Variants in MAP3K5 observed in about 807,000 individuals in gnomAD.
MAP3K5 encodes mitogen-activated protein kinase kinase kinase 5, also known as ASK-1.
A neutral mutation model predicts 158.7 loss-of-function variants in MAP3K5; 56 were observed. That is an observed-to-expected ratio of 0.35 (90% CI 0.28 to 0.44). The LOEUF is 0.44. Ranked by LOEUF, MAP3K5 falls within the 20% of genes least tolerant of loss-of-function variation. The probability of loss-of-function intolerance (pLI) is 1.00; values close to 1 mark genes in which losing one functional copy is unlikely to be tolerated. For missense variants in MAP3K5, 1,294 were observed against 1,674.8 expected (o/e 0.77, Z 3.97); for synonymous variants, 579 against 601.7 (o/e 0.96, Z 0.55).
chr6:136,733,461 G>A (rs1782312456), intron 1 of MAP3K5, among the ~76,000 whole-genome samples: 1 of 152,114 alleles, frequency 6.6e-6, no homozygotes, highest in African/African-American at 2.4e-5. Flanking sequence ...TTTATGAAGA[G>A]ATATTTTCCT....
intron 25 of MAP3K5, among the ~76,000 whole-genome samples, chr6:136,571,401 C>A (rs1369986551): frequency 6.6e-6 from 1 of 152,292 alleles, no homozygotes; most frequent in South Asian, 2.1e-4. Context: ...CACTCCCTCC[C>A]ACTTGTCGAA....
chr6:136,656,756 G>T (rs1053466649), intron 9 of MAP3K5, among the ~76,000 whole-genome samples: 1 of 151,988 alleles, frequency 6.6e-6, no homozygotes, highest in African/African-American at 2.4e-5. Flanking sequence ...TGAGTAGCTG[G>T]GATCACAGGC....
At chr6:136,703,452 A>G (rs1043254404) in intron 3 of MAP3K5, among the ~76,000 whole-genome samples, 1 of 152,160 alleles carries the variant, frequency 6.6e-6, no homozygotes, top group Non-Finnish European at 1.5e-5. Context: ...TTTTCTACCA[A>G]TTAGACTGTC....
chr6:136,773,981 T>G (rs1784310975), intron 1 of MAP3K5, among the ~76,000 whole-genome samples: 1 of 152,142 alleles, frequency 6.6e-6, no homozygotes, highest in South Asian at 2.1e-4. Context: ...AATGCCAGTG[T>G]TTCCTTAGTT....
intron 3 of MAP3K5, among the ~76,000 whole-genome samples, chr6:136,701,680 T>G (rs1407179694): frequency 2.0e-5 from 3 of 152,190 alleles, no homozygotes; most frequent in Non-Finnish European, 4.4e-5. Context: ...AAGCTTCAAC[T>G]ATGAGAATTG....
At chr6:136,709,687 T>C (rs972230328) in intron 2 of MAP3K5, among the ~76,000 whole-genome samples, 8 of 152,246 alleles carry the variant, frequency 5.3e-5, no homozygotes, top group African/African-American at 1.9e-4. Context: ...CCCTCTTACA[T>C]GTCTCCTCCA....
chr6:136,701,643 CA>C (rs1465706068), intron 3 of MAP3K5, among the ~76,000 whole-genome samples: 3 of 152,128 alleles, frequency 2.0e-5, no homozygotes, highest in Non-Finnish European at 4.4e-5. Context: ...GCAAGGATAC[CA>C]AAGAGGCTGC....
In MAP3K5 at chr6:136,618,253, G is replaced by A. The variant is rs143896250; in HGVS notation, c.2151-3967C>T. 1.1e-3 allele frequency among the ~76,000 whole-genome samples: 169 copies of A among 152,266 alleles called. 2 individuals are homozygous for A. Among genetic ancestry groups the A allele is most frequent in the Non-Finnish European group, 1.1e-3 (76 of 68,024 alleles). ...TAACTGCTATCTTTTTCAACAGAAC[G>A]TCCACACCCCTCCAGGTTACATGGA... On this transcript the variant is annotated intron_variant, in intron 15 of 29. Coordinates refer to ENST00000359015, the MANE Select transcript of MAP3K5 (RefSeq NM_005923.4).
At chr6:136,620,139 G>A (rs1274006784) in intron 15 of MAP3K5, among the ~76,000 whole-genome samples, 1 of 152,132 alleles carries the variant, frequency 6.6e-6, no homozygotes, top group African/African-American at 2.4e-5. Context: ...GCATGATGAT[G>A]CAGGCCTGTA....
chr6:136,760,619 T>G (rs1209316469), intron 1 of MAP3K5, among the ~76,000 whole-genome samples: 1 of 152,152 alleles, frequency 6.6e-6, no homozygotes, highest in Non-Finnish European at 1.5e-5. Flanking sequence ...GGTGAGGGCT[T>G]TGGGAAGTGA....
chr6:136,632,141 C>T (rs1391655345), intron 14 of MAP3K5, among the ~76,000 whole-genome samples: 1 of 152,128 alleles, frequency 6.6e-6, no homozygotes. Context: ...GAGGCTGGCA[C>T]CGCTGGACCA....
intron 15 of MAP3K5, among the ~76,000 whole-genome samples, chr6:136,616,728 ATGG>A (rs1226890763): frequency 6.6e-6 from 1 of 151,512 alleles, no homozygotes; most frequent in African/African-American, 2.4e-5. Flanking sequence ...GATGATGATG[ATGG>A]TGATGATGAT....
chr6:136,558,392 A>G lies in MAP3K5; in HGVS notation c.4064+408T>C, dbSNP rs866592989. Among the ~76,000 whole-genome samples the G allele has an allele frequency of 3.7e-4, 57 of 152,194 alleles. No homozygotes were observed. The Middle Eastern group carries it at 0.01, about 27-fold the overall frequency. The stretch of plus-strand genomic sequence containing the variant: ...AGACTCCATCCCGAAAAAAAAAAAA[A>G]AAGTTATATGCTTGGCCTTAATTAA... On this transcript the variant is annotated intron_variant, in intron 29 of 29. Transcript: ENST00000359015.
chr6:136,617,330 A>G (rs1370216146), intron 15 of MAP3K5, among the ~76,000 whole-genome samples: 1 of 152,228 alleles, frequency 6.6e-6, no homozygotes, highest in African/African-American at 2.4e-5. Flanking sequence ...TAAGAAAATC[A>G]TATTTCTTCT....
chr6:136,669,890 T>C (rs960713071), intron 7 of MAP3K5, among the ~76,000 whole-genome samples: 3 of 147,950 alleles, frequency 2.0e-5, no homozygotes, highest in Non-Finnish European at 4.5e-5. Flanking sequence ...TCAGGGTGTG[T>C]GTGTGTGTGT....
intron 23 of MAP3K5, among the ~76,000 whole-genome samples, chr6:136,585,653 T>C (rs930366850): frequency 5.9e-5 from 9 of 151,896 alleles, no homozygotes; most frequent in South Asian, 2.1e-4. Flanking sequence ...GCACCTGTCA[T>C]GCCCAGCTAA....
At chr6:136,600,076 T>A (rs1262861966) in intron 21 of MAP3K5, among the ~76,000 whole-genome samples, 1 of 152,056 alleles carries the variant, frequency 6.6e-6, no homozygotes, top group Non-Finnish European at 1.5e-5. Flanking sequence ...CAGAGGAACC[T>A]GCAAAAACCT....
intron 7 of MAP3K5, among the ~76,000 whole-genome samples, chr6:136,691,635 C>T (rs944233309): frequency 6.6e-6 from 1 of 151,776 alleles, no homozygotes; most frequent in Non-Finnish European, 1.5e-5. Flanking sequence ...AGTATTTAGA[C>T]CACTAAATGC....
chr6:136,711,127 T>C (rs1263936207), intron 2 of MAP3K5, among the ~76,000 whole-genome samples: 1 of 151,984 alleles, frequency 6.6e-6, no homozygotes, highest in African/African-American at 2.4e-5. Flanking sequence ...GGAAACAAAG[T>C]ACTTTTGTGT....
Sources: allele counts gnomAD v4.1 joint callset (sites outside exome capture counted in the v4.1 genomes callset), GRCh38; gene constraint gnomAD v4.1.1; transcripts MANE v1.5; gene names NCBI Gene and HGNC (gene_info 2026-07-23, HGNC 2026-07-21).